Variants in PRKAA2 observed in about 807,000 individuals in gnomAD.
PRKAA2 encodes the protein protein kinase AMP-activated catalytic subunit alpha 2.
PRKAA2 carries 40 observed loss-of-function variants against 56.3 expected under a neutral mutation model. The observed-to-expected ratio is 0.71, with a 90% CI of 0.55 to 0.92. The LOEUF (loss-of-function observed/expected upper bound fraction) is 0.92. PRKAA2 is among the 40% of genes least tolerant of loss of function. PRKAA2 has a pLI of 0.00. For missense variants in PRKAA2, 542 were observed against 686.9 expected, an observed-to-expected ratio of 0.79 and a Z score of 2.36; for synonymous variants, 214 against 234.2, an observed-to-expected ratio of 0.91 and a Z score of 0.79.
intron 1 of PRKAA2, among the ~76,000 whole-genome samples, chr1:56,656,332 A>G (rs1182221659): frequency 6.6e-6 from 1 of 152,186 alleles, no homozygotes; most frequent in Admixed American, 6.5e-5. Context: ...TTTTCTGTAA[A>G]ATGGTAACCC....
At chr1:56,667,802 C>T (rs1261585965) in intron 1 of PRKAA2, among the ~76,000 whole-genome samples, 3 of 152,150 alleles carry the variant, frequency 2.0e-5, no homozygotes, top group African/African-American at 7.2e-5. Context: ...ATAACCCCTG[C>T]TACAAATCTG....
rs147099574 is a variant in PRKAA2 at position 56,688,318 on chromosome 1, A to G, written c.237-3076A>G. ...TCAGATTACTCTGGTTTTGGCTCTA[A>G]GCACTCACGTTATTTAAAAGTGCTA... On this transcript the variant is annotated intron_variant, in intron 2 of 8. Transcript: ENST00000371244. Among the ~76,000 whole-genome samples the G allele has an allele frequency of 1.5e-3, 223 of 152,302 alleles. 1 individual carries two copies. The highest frequency in any genetic ancestry group is 5.0e-3 in the African/African-American group (206 of 41,552).
intron 8 of PRKAA2, among the ~76,000 whole-genome samples, chr1:56,706,621 C>T (rs567031709): frequency 1.1e-4 from 16 of 152,246 alleles, no homozygotes; most frequent in East Asian, 1.9e-4. Context: ...GTGGCCAGGG[C>T]GACCAAATAG....
intron 1 of PRKAA2, among the ~76,000 whole-genome samples, chr1:56,660,549 C>T (rs906473675): frequency 4.6e-5 from 7 of 152,174 alleles, no homozygotes; most frequent in African/African-American, 1.4e-4. Flanking sequence ...CACTACTAGA[C>T]TCTATCCCTT....
In PRKAA2 at chr1:56,713,531, A is replaced by C. The variant is rs1259281096; in HGVS notation, c.*5818A>C. The C allele has an allele frequency of 6.6e-6, 1 of 152,144 alleles. No homozygotes were observed. The highest frequency in any genetic ancestry group is 2.4e-5 in the African/African-American group (1 of 41,430). The allele number at this position is 152,144 out of a possible 1,614,324, so 9.4% of individuals were successfully genotyped here. The stretch of plus-strand genomic sequence containing the variant: ...CTAGAATAGAGCACTCTCCAGAAAA[A>C]AAAATGAAAAAAGAATTTGGAGAAT... On this transcript the variant is annotated 3_prime_UTR_variant, in exon 9 of 9. Coordinates refer to ENST00000371244, the MANE Select transcript of PRKAA2 (RefSeq NM_006252.4).
At chr1:56,673,208 C>T (rs1644090219) in intron 1 of PRKAA2, among the ~76,000 whole-genome samples, 1 of 151,622 alleles carries the variant, frequency 6.6e-6, no homozygotes, top group African/African-American at 2.4e-5. Context: ...CCCATCTCTA[C>T]AAAGATTTAA....
chr1:56,707,331 T>C, intron 8 of PRKAA2, 144 bp from the exon 9 acceptor site: 1 of 675,970 alleles, frequency 1.5e-6, no homozygotes, highest in Non-Finnish European at 2.5e-6. Flanking sequence ...AGACTGTGTT[T>C]CTACAACACA....
chr1:56,707,430 C>T, intron 8 of PRKAA2, 45 bp from the exon 9 acceptor site: 1 of 1,490,334 alleles, frequency 6.7e-7, no homozygotes, highest in Non-Finnish European at 9.3e-7. Context: ...AGGGCTTGGG[C>T]ATATATACTT....
At position 56,706,173 on chromosome 1, in the gene PRKAA2, C is replaced by G; in HGVS notation, c.1375C>G (p.Leu459Val). The G allele has an allele frequency of 6.2e-7, 1 of 1,613,788 alleles. No individual in the cohort carries two copies. Among genetic ancestry groups the G allele is most frequent in the East Asian group, 2.2e-5 (1 of 44,856 alleles). The change falls in exon 8 of 9, where the codon CTG becomes GTG. Residue 459 changes from leucine (L) to valine (V), a missense_variant. Physicochemically the swap from Leu to Val is conservative, Grantham distance 32. This residue lies in a region of PRKAA2 where 158 missense variants were observed against 166.1 expected (regional missense o/e 0.95). Transcript: ENST00000371244. ...NYVKMSLQLYLVDNRSYLLDF... is the reference protein window; with the variant it reads ...NYVKMSLQLYVVDNRSYLLDF... ...CGTGAAAATGAGCTTACAACTTTAC[C>G]TGGTTGATAACAGGAGCTATCTTTT... is the stretch of plus-strand genomic sequence containing the variant.
At chr1:56,691,264 A>G (rs1455385995) in intron 2 of PRKAA2, 130 bp from the exon 3 acceptor site, 10 of 504,768 alleles carry the variant, frequency 2.0e-5, no homozygotes, top group Admixed American at 3.5e-5. Context: ...TATTTTGATA[A>G]CATGTAATTT....
chr1:56,646,646 A>T (rs1646644983), intron 1 of PRKAA2, among the ~76,000 whole-genome samples: 1 of 152,056 alleles, frequency 6.6e-6, no homozygotes, highest in African/African-American at 2.4e-5. Flanking sequence ...ATTGACCTTT[A>T]TTTTTTCTCT....
chr1:56,704,580 A>C, intron 7 of PRKAA2, 105 bp downstream of exon 7: 1 of 1,309,260 alleles, frequency 7.6e-7, no homozygotes, highest in East Asian at 2.3e-5. Context: ...TTTTCTAGTA[A>C]TATGCTATGC....
At chr1:56,695,185 TA>T (rs1413005656) in intron 5 of PRKAA2, among the ~76,000 whole-genome samples, 1 of 38,568 alleles carries the variant, frequency 2.6e-5, no homozygotes, top group Non-Finnish European at 5.6e-5. Context: ...TGATATATTA[TA>T]TATATATATA....
At chr1:56,679,358 G>A (rs527455984) in intron 2 of PRKAA2, among the ~76,000 whole-genome samples, 54 of 151,988 alleles carry the variant, frequency 3.6e-4, no homozygotes, top group South Asian at 1.5e-3. Flanking sequence ...ATTGTTTATC[G>A]GATGTTCACA....
chr1:56,653,306 G>T (rs913879412), intron 1 of PRKAA2, among the ~76,000 whole-genome samples: 25 of 150,684 alleles, frequency 1.7e-4, no homozygotes, highest in Admixed American at 1.4e-3. Context: ...TTTGAATTGT[G>T]TCCTTAATAT....
At chr1:56,686,948 G>A (rs1440741729) in intron 2 of PRKAA2, among the ~76,000 whole-genome samples, 3 of 148,484 alleles carry the variant, frequency 2.0e-5, no homozygotes, top group African/African-American at 7.5e-5. Context: ...GCAATGGCGT[G>A]ATCTCAGCTT....
At chr1:56,695,073 A>G (rs1040986477) in intron 5 of PRKAA2, among the ~76,000 whole-genome samples, 3 of 151,580 alleles carry the variant, frequency 2.0e-5, no homozygotes, top group Non-Finnish European at 4.4e-5. Context: ...TGATGAGAAT[A>G]GAAATAGTAA....
chr1:56,686,400 A>G (rs1412424211), intron 2 of PRKAA2, among the ~76,000 whole-genome samples: 1 of 152,248 alleles, frequency 6.6e-6, no homozygotes, highest in Non-Finnish European at 1.5e-5. Flanking sequence ...AAATCTTGCC[A>G]TGTAGAAGAA....
chr1:56,669,384 G>A (rs529238375), intron 1 of PRKAA2, among the ~76,000 whole-genome samples: 9 of 152,032 alleles, frequency 5.9e-5, no homozygotes, highest in Admixed American at 3.3e-4. Flanking sequence ...ACTTGAACCC[G>A]GGAGGCAGAG....
Sources: allele counts gnomAD v4.1 joint callset (sites outside exome capture counted in the v4.1 genomes callset), GRCh38; gene constraint gnomAD v4.1.1; regional missense constraint gnomAD v4.1.1; transcripts MANE v1.5; gene names NCBI Gene and HGNC (gene_info 2026-07-23, HGNC 2026-07-21).